Variants in RNF38 observed in about 807,000 individuals in gnomAD.
RNF38 encodes E3 ubiquitin-protein ligase RNF38.
Under a neutral mutation model 67.2 loss-of-function variants are expected in RNF38, and 15 were observed. That is an observed-to-expected ratio of 0.22 (90% CI 0.15 to 0.34). The LOEUF is 0.34. Ranked by LOEUF, RNF38 falls within the 10% of genes least tolerant of loss-of-function variation. RNF38 has a pLI of 1.00. For synonymous variants in RNF38, 220 were observed against 218.8 expected, an observed-to-expected ratio of 1.01 and a Z score of -0.05; for missense variants, 524 against 639.9, an observed-to-expected ratio of 0.82 and a Z score of 1.95.
At chr9:36,447,915 C>G (rs1164330639) in intron 1 of RNF38, among the ~76,000 whole-genome samples, 1 of 152,212 alleles carries the variant, frequency 6.6e-6, no homozygotes, top group African/African-American at 2.4e-5. Flanking sequence ...TAACTACTCT[C>G]ATAGGCAACC....
intron 1 of RNF38, among the ~76,000 whole-genome samples, chr9:36,469,697 C>T (rs1839952934): frequency 6.6e-6 from 1 of 152,074 alleles, no homozygotes; most frequent in Non-Finnish European, 1.5e-5. Flanking sequence ...TGTTCAAAGC[C>T]TGGTGCGGTG....
At chr9:36,454,444 T>C (rs1352374743) in intron 1 of RNF38, among the ~76,000 whole-genome samples, 5 of 152,072 alleles carry the variant, frequency 3.3e-5, no homozygotes, top group Admixed American at 1.3e-4. Flanking sequence ...CATACATTTT[T>C]ATACCCTAGA....
chr9:36,377,504 T>C (rs1426517293), intron 2 of RNF38, among the ~76,000 whole-genome samples: 1 of 152,196 alleles, frequency 6.6e-6, no homozygotes, highest in East Asian at 1.9e-4. Flanking sequence ...CCCTTCTATA[T>C]TTAGGAGATA....
intron 2 of RNF38, among the ~76,000 whole-genome samples, chr9:36,417,079 T>C (rs1447157365): frequency 6.6e-6 from 1 of 152,064 alleles, no homozygotes; most frequent in East Asian, 1.9e-4. Flanking sequence ...AACTTTTATA[T>C]TTCATTTGGC....
intron 2 of RNF38, among the ~76,000 whole-genome samples, chr9:36,424,106 T>C (rs1206692224): frequency 6.6e-6 from 1 of 152,226 alleles, no homozygotes; most frequent in Admixed American, 6.5e-5. Flanking sequence ...AGACTTCTTG[T>C]GTATGAACCA....
chr9:36,385,860 G>A (rs535326025), intron 2 of RNF38, among the ~76,000 whole-genome samples: 19 of 152,268 alleles, frequency 1.2e-4, no homozygotes, highest in African/African-American at 4.3e-4. Context: ...AACAAATTGG[G>A]TTACAAAGTT....
intron 1 of RNF38, among the ~76,000 whole-genome samples, chr9:36,439,956 C>G (rs1211466772): frequency 3.3e-5 from 5 of 152,058 alleles, no homozygotes; most frequent in Non-Finnish European, 7.4e-5. Flanking sequence ...CTTAAAGTTA[C>G]TGACATGGGC....
At chr9:36,359,880 C>T (rs1834395382) in intron 4 of RNF38, among the ~76,000 whole-genome samples, 2 of 151,716 alleles carry the variant, frequency 1.3e-5, no homozygotes, top group Non-Finnish European at 2.9e-5. Context: ...CCCCGAGTAG[C>T]TGGGACTACA....
intron 9 of RNF38, among the ~76,000 whole-genome samples, chr9:36,346,780 C>T (rs1833270302): frequency 1.3e-5 from 2 of 152,044 alleles, no homozygotes; most frequent in Admixed American, 6.6e-5. Flanking sequence ...ATAATTTGTT[C>T]CCCTTTCACT....
chr9:36,400,455 A>G, upstream of RNF38: 1 of 1,059,746 alleles, frequency 9.4e-7, no homozygotes, highest in Non-Finnish European at 1.1e-6. Flanking sequence ...CGGCCGAGGC[A>G]AACCTTAGCC....
chr9:36,338,106 T>C lies in RNF38; in HGVS notation c.*1646A>G, dbSNP rs894811762. Reference sequence around the variant, plus strand: ...ACAGTCCTGACTGGAATAATGCAGCTTGTGCTATTGCAAACAAAGCAATTA... The same window carrying C: ...ACAGTCCTGACTGGAATAATGCAGCCTGTGCTATTGCAAACAAAGCAATTA... On this transcript the variant is annotated 3_prime_UTR_variant, in exon 12 of 12. Transcript: ENST00000259605. 6.6e-6 allele frequency: 1 copy of C among 152,550 alleles called. No individual in the cohort carries two copies. The highest frequency in any genetic ancestry group is 6.5e-5 in the Admixed American group (1 of 15,276). The allele number at this position is 152,550 out of a possible 1,614,324, so 9.4% of individuals were successfully genotyped here.
chr9:36,351,898 G>A (rs1231320982), intron 8 of RNF38, among the ~76,000 whole-genome samples: 1 of 152,146 alleles, frequency 6.6e-6, no homozygotes, highest in Non-Finnish European at 1.5e-5. Flanking sequence ...AGCCTGAGAG[G>A]CCACCTTAGA....
chr9:36,468,708 A>C (rs1381971724), intron 1 of RNF38, among the ~76,000 whole-genome samples: 1 of 152,054 alleles, frequency 6.6e-6, no homozygotes, highest in East Asian at 1.9e-4. Context: ...GCTACTCGGG[A>C]GGCCGAGGCA....
intron 1 of RNF38, among the ~76,000 whole-genome samples, chr9:36,436,994 G>C (rs936472219): frequency 2.0e-5 from 3 of 152,170 alleles, no homozygotes; most frequent in Non-Finnish European, 2.9e-5. Flanking sequence ...CCAAAGGTCA[G>C]ACTCTTCCTT....
chr9:36,465,110 CAAG>C (rs1839829704), intron 1 of RNF38, among the ~76,000 whole-genome samples: 1 of 152,146 alleles, frequency 6.6e-6, no homozygotes, highest in Non-Finnish European at 1.5e-5. Flanking sequence ...TAACAGAGAA[CAAG>C]TGTTGGCAAC....
intron 1 of RNF38, among the ~76,000 whole-genome samples, chr9:36,428,148 G>A (rs918586579): frequency 5.9e-5 from 9 of 152,000 alleles, no homozygotes; most frequent in Non-Finnish European, 1.0e-4. Flanking sequence ...CAGGCGCGGT[G>A]GCTCATGCCT....
At chr9:36,415,361 T>C (rs906015698) in intron 2 of RNF38, among the ~76,000 whole-genome samples, 2 of 152,252 alleles carry the variant, frequency 1.3e-5, no homozygotes, top group South Asian at 2.1e-4. Context: ...TTTCATTTCC[T>C]GAAGTTGTGA....
At position 36,338,992 on chromosome 9, in the gene RNF38, C is replaced by T. The variant is rs368108526; in HGVS notation, c.*760G>A. On this transcript the variant is annotated 3_prime_UTR_variant, in exon 12 of 12. Transcript: ENST00000259605. Reference sequence around the variant, plus strand: ...GTTACACTTTTTTTTCTTAAGTGACCCACTTAGGACCACCAATAAAGAGAA... The same window carrying T: ...GTTACACTTTTTTTTCTTAAGTGACTCACTTAGGACCACCAATAAAGAGAA... 1.3e-5 allele frequency: 2 copies of T among 152,342 alleles called. No homozygotes were observed. Among genetic ancestry groups the T allele is most frequent in the Admixed American group, 6.6e-5 (1 of 15,248 alleles). The allele number at this position is 152,342 out of a possible 1,614,324, so 9.4% of individuals were successfully genotyped here.
At chr9:36,462,270 T>G (rs935102047) in intron 1 of RNF38, among the ~76,000 whole-genome samples, 2 of 152,146 alleles carry the variant, frequency 1.3e-5, no homozygotes, top group African/African-American at 4.8e-5. Context: ...CCAGCCTGTA[T>G]GCAACTTAGC....
Sources: gnomAD v4.1 joint callset for allele counts (sites outside exome capture counted in the v4.1 genomes callset) on GRCh38, gnomAD v4.1.1 for gene constraint, MANE v1.5 for transcripts, NCBI Gene and HGNC (gene_info 2026-07-23, HGNC 2026-07-21) for gene names.